Variants in VSTM4 observed in about 807,000 individuals in gnomAD.
The protein encoded by VSTM4 is V-set and transmembrane domain-containing protein 4.
In VSTM4, 20 loss-of-function variants were observed where a neutral mutation model predicts 36.4. The observed-to-expected ratio is 0.55, with a 90% CI of 0.39 to 0.80. The LOEUF is 0.80. VSTM4 is among the 30% of genes least tolerant of loss of function. The pLI, the probability that VSTM4 is intolerant of heterozygous loss-of-function variation, is 0.00. For synonymous variants in VSTM4, 182 were observed against 173.9 expected (o/e 1.05, Z -0.37); for missense variants, 392 against 404.5 (o/e 0.97, Z 0.26).
At position 49,015,845 on chromosome 10, in the gene VSTM4, A is replaced by G. The variant is rs1843098183; in HGVS notation, c.*3805T>C. 1 of 152,258 alleles carries G rather than the reference A, an allele frequency of 6.6e-6. No individual in the cohort carries two copies. Among genetic ancestry groups the G allele is most frequent in the Non-Finnish European group, 1.5e-5 (1 of 68,086 alleles). 9.4% of individuals were successfully genotyped at this position (152,258 alleles called of 1,614,324 possible). ...GCAAGTGGCATGGCTCTTTTTTGTT[A>G]CCACGCTGTTCCCTTCCACTTATTG... is the stretch of plus-strand genomic sequence containing the variant. On this transcript the variant is annotated 3_prime_UTR_variant, in exon 8 of 8. Coordinates refer to ENST00000332853, the MANE Select transcript of VSTM4 (RefSeq NM_001031746.5).
At chr10:49,065,326 A>G (rs1843954046) in intron 4 of VSTM4, among the ~76,000 whole-genome samples, 1 of 152,212 alleles carries the variant, frequency 6.6e-6, no homozygotes, top group Admixed American at 6.5e-5. Flanking sequence ...ATAGAGGTAA[A>G]GCTGAAACAA....
Position 49,021,836 on chromosome 10 carries a change from G to T in VSTM4, c.838-2061C>A, listed in dbSNP as rs572911229. 5.3e-5 allele frequency among the ~76,000 whole-genome samples: 8 copies of T among 152,286 alleles called. No homozygotes were observed. In the East Asian group the frequency reaches 1.5e-3, roughly 29 times the overall value. On this transcript the variant is annotated intron_variant, in intron 7 of 7. Transcript: ENST00000332853. ...GCATTCGTATAACGCAATATACGGT[G>T]CAGTCTTTAAGAATGAGGGAGGAGC...
chr10:49,037,000 C>T (rs913334774), intron 7 of VSTM4, among the ~76,000 whole-genome samples: 2 of 152,196 alleles, frequency 1.3e-5, no homozygotes, highest in Non-Finnish European at 2.9e-5. Flanking sequence ...GGTCACCTGG[C>T]CAAGTGCTAC....
At chr10:49,065,922 C>T (rs907789979) in intron 4 of VSTM4, among the ~76,000 whole-genome samples, 6 of 151,580 alleles carry the variant, frequency 4.0e-5, no homozygotes, top group South Asian at 2.1e-4. Flanking sequence ...TTCCATTTAC[C>T]GAGCATCTAC....
intron 1 of VSTM4, among the ~76,000 whole-genome samples, chr10:49,112,672 T>G (rs1182888333): frequency 1.3e-5 from 2 of 152,218 alleles, no homozygotes; most frequent in African/African-American, 4.8e-5. Flanking sequence ...ACCCCATGGT[T>G]GGAAGTCCTC....
At chr10:49,069,947 C>T (rs1334392514) in intron 4 of VSTM4, among the ~76,000 whole-genome samples, 1 of 152,154 alleles carries the variant, frequency 6.6e-6, no homozygotes, top group Non-Finnish European at 1.5e-5. Flanking sequence ...TAAAGCCACA[C>T]CTTAGCATAA....
chr10:49,031,776 T>A (rs1178698765), intron 7 of VSTM4, among the ~76,000 whole-genome samples: 1 of 152,170 alleles, frequency 6.6e-6, no homozygotes, highest in Non-Finnish European at 1.5e-5. Flanking sequence ...AGGGTCTTGA[T>A]CCTTCATTAC....
rs1590084082 is a variant in VSTM4 at position 49,046,875 on chromosome 10, A to C, written c.837+108T>G. The stretch of plus-strand genomic sequence containing the variant: ...GAGAATGTTTTTGTTTGGGGACAAA[A>C]GTTTCTAAAACTTTCTGTATGTTTT... On this transcript the variant is annotated intron_variant, in intron 7 of 7. Transcript: ENST00000332853. The C allele has an allele frequency of 2.6e-6, 3 of 1,152,028 alleles. No homozygotes were observed. The East Asian group carries it at 7.1e-5, about 27-fold the overall frequency. 71.4% of individuals were successfully genotyped at this position (1,152,028 alleles called of 1,614,324 possible). A position where few individuals can be genotyped will look rare whatever the true frequency, so the allele number is the denominator to read the frequency against.
chr10:49,027,641 T>C (rs11100976), intron 7 of VSTM4, among the ~76,000 whole-genome samples: 104 of 152,284 alleles, frequency 6.8e-4, no homozygotes, highest in Non-Finnish European at 1.4e-3. Flanking sequence ...CACAGATCTG[T>C]CTTCTGCCAC....
intron 2 of VSTM4, among the ~76,000 whole-genome samples, chr10:49,100,716 C>T (rs927520455): frequency 6.6e-6 from 1 of 152,026 alleles, no homozygotes; most frequent in African/African-American, 2.4e-5. Flanking sequence ...CAATCAAACC[C>T]CAATGTAATT....
At chr10:49,021,069 T>C (rs556917709) in intron 7 of VSTM4, among the ~76,000 whole-genome samples, 88 of 152,208 alleles carry the variant, frequency 5.8e-4, no homozygotes, top group Admixed American at 1.4e-3. Flanking sequence ...GGTGTAGACA[T>C]ATATTTTCTT....
chr10:49,110,064 C>G (rs4344406), intron 1 of VSTM4, among the ~76,000 whole-genome samples: 80,592 of 152,118 alleles, frequency 0.53, 24,005 homozygotes, highest in African/African-American at 0.83. Context: ...TGGGCAGCCA[C>G]AGAGAGCAGC....
intron 3 of VSTM4, among the ~76,000 whole-genome samples, chr10:49,079,885 A>G (rs994906299): frequency 6.6e-6 from 1 of 152,206 alleles, no homozygotes; most frequent in Non-Finnish European, 1.5e-5. Flanking sequence ...TATGATGAAT[A>G]TGCATATATT....
intron 6 of VSTM4, among the ~76,000 whole-genome samples, chr10:49,047,853 A>G (rs1185681589): frequency 2.0e-5 from 3 of 152,178 alleles, no homozygotes; most frequent in Admixed American, 1.3e-4. Flanking sequence ...TATTCCCCCA[A>G]CTACATTTCA....
At chr10:49,094,568 G>T (rs1844535641) in intron 2 of VSTM4, among the ~76,000 whole-genome samples, 1 of 152,152 alleles carries the variant, frequency 6.6e-6, no homozygotes, top group Non-Finnish European at 1.5e-5. Flanking sequence ...AATGTAAAGG[G>T]GCTGGAAGAG....
chr10:49,101,078 A>G (rs1396604408), intron 2 of VSTM4, among the ~76,000 whole-genome samples: 1 of 152,124 alleles, frequency 6.6e-6, no homozygotes. Context: ...AATATTAAAG[A>G]AAAATATGGA....
At chr10:49,108,937 A>C (rs186550673) in intron 1 of VSTM4, among the ~76,000 whole-genome samples, 6 of 152,252 alleles carry the variant, frequency 3.9e-5, no homozygotes, top group Admixed American at 3.3e-4. Flanking sequence ...TGTACCCTGG[A>C]CTGCCCAGTG....
chr10:49,045,247 G>T lies in VSTM4; in HGVS notation c.837+1736C>A, dbSNP rs143976625. ...CTCATGCACACACACACAACTAACT[G>T]CTGAATAATATTAACAACAAAATAA... is the stretch of plus-strand genomic sequence containing the variant. On this transcript the variant is annotated intron_variant, in intron 7 of 7. Coordinates refer to ENST00000332853, the MANE Select transcript of VSTM4 (RefSeq NM_001031746.5). Among the ~76,000 whole-genome samples the T allele has an allele frequency of 1.5e-4, 23 of 151,342 alleles. No homozygotes were observed. The East Asian group carries it at 4.1e-3, about 27-fold the overall frequency.
intron 7 of VSTM4, among the ~76,000 whole-genome samples, chr10:49,037,977 A>G (rs1156887516): frequency 6.6e-6 from 1 of 152,110 alleles, no homozygotes; most frequent in East Asian, 1.9e-4. Context: ...TGGTGAGGAT[A>G]TGAAGAAATT....
Sources: gnomAD v4.1 joint callset for allele counts (sites outside exome capture counted in the v4.1 genomes callset) on GRCh38, gnomAD v4.1.1 for gene constraint, MANE v1.5 for transcripts, NCBI Gene and HGNC (gene_info 2026-07-23, HGNC 2026-07-21) for gene names.